Variants in BCL2 observed in about 807,000 individuals in gnomAD.
BCL2 encodes BCL2 apoptosis regulator.
BCL2 carries 1 observed loss-of-function variant against 14.2 expected under a neutral mutation model. The ratio of observed to expected loss-of-function variants is 0.07; its 90% confidence interval spans 0.02 to 0.33. The LOEUF (loss-of-function observed/expected upper bound fraction) is 0.33, where lower values mean the gene tolerates loss of function less well. Ranked by LOEUF, BCL2 falls within the 10% of genes least tolerant of loss-of-function variation. BCL2 has a pLI of 0.99. For missense variants in BCL2, 247 were observed against 305.9 expected (o/e 0.81, Z 1.44); for synonymous variants, 151 against 137.2 (o/e 1.10, Z -0.70).
chr18:63,222,394 C>T (rs934172132), intron 2 of BCL2, among the ~76,000 whole-genome samples: 1 of 144,852 alleles, frequency 6.9e-6, no homozygotes. Flanking sequence ...AAATAAACTG[C>T]CATGAGGGAC....
chr18:63,144,715 G>A (rs1229184783), intron 2 of BCL2, among the ~76,000 whole-genome samples: 2 of 152,202 alleles, frequency 1.3e-5, no homozygotes, highest in Non-Finnish European at 2.9e-5. Context: ...GTGTTTCAGG[G>A]CAAGGAAGTG....
At chr18:63,129,708 C>T (rs764324207) in intron 2 of BCL2, among the ~76,000 whole-genome samples, 5 of 152,192 alleles carry the variant, frequency 3.3e-5, no homozygotes, top group Non-Finnish European at 5.9e-5. Context: ...AGATAGAAAC[C>T]AGCACCCTTC....
intron 2 of BCL2, among the ~76,000 whole-genome samples, chr18:63,198,688 G>GAC (rs1305101808): frequency 1.3e-5 from 1 of 77,952 alleles, no homozygotes; most frequent in Non-Finnish European, 2.5e-5. Flanking sequence ...AACAGACACA[G>GAC]ACACACACAC....
intron 2 of BCL2, among the ~76,000 whole-genome samples, chr18:63,150,338 G>A (rs894379309): frequency 1.3e-5 from 2 of 152,270 alleles, no homozygotes; most frequent in Admixed American, 6.5e-5. Context: ...CCCAGCTGAA[G>A]AGTGGACACC....
rs144472735 is a variant in BCL2, at chr18:63,147,689, C to T, written c.586-18930G>A. On this transcript the variant is annotated intron_variant, in intron 2 of 2. Transcript: ENST00000333681. Reference sequence around the variant, plus strand: ...GCTCAAATGGCATGAAAAACATATTCCAATAACACTGAGATGATTTTATGA... The same window carrying T: ...GCTCAAATGGCATGAAAAACATATTTCAATAACACTGAGATGATTTTATGA... Among the ~76,000 whole-genome samples, 3 of 152,300 alleles carry T rather than the reference C, an allele frequency of 2.0e-5. No homozygotes were observed. The East Asian group carries it at 5.8e-4, about 29-fold the overall frequency.
At chr18:63,181,990 A>G (rs1915490164) in intron 2 of BCL2, among the ~76,000 whole-genome samples, 1 of 152,058 alleles carries the variant, frequency 6.6e-6, no homozygotes, top group Admixed American at 6.6e-5. Context: ...GCACCTCCTT[A>G]CTTCACCACC....
At chr18:63,198,034 A>C (rs1192662239) in intron 2 of BCL2, among the ~76,000 whole-genome samples, 4 of 152,194 alleles carry the variant, frequency 2.6e-5, no homozygotes, top group African/African-American at 9.7e-5. Context: ...CTTTTGTAAG[A>C]AAGTAGTTTA....
chr18:63,313,240 A>G (rs2144310630), intron 2 of BCL2, among the ~76,000 whole-genome samples: 1 of 152,302 alleles, frequency 6.6e-6, no homozygotes, highest in South Asian at 2.1e-4. Context: ...CGTGCCTCCA[A>G]CCTAACCCAA....
intron 2 of BCL2, among the ~76,000 whole-genome samples, chr18:63,172,566 G>T (rs552285930): frequency 6.6e-6 from 1 of 152,302 alleles, no homozygotes; most frequent in African/African-American, 2.4e-5. Context: ...TGGATCACAA[G>T]GTCAGGAGAT....
chr18:63,284,791 G>T (rs1179469753), intron 2 of BCL2, among the ~76,000 whole-genome samples: 1 of 151,554 alleles, frequency 6.6e-6, no homozygotes, highest in Non-Finnish European at 1.5e-5. Context: ...GTATTCCAGG[G>T]GTGGGGGGTT....
intron 2 of BCL2, among the ~76,000 whole-genome samples, chr18:63,138,222 G>A (rs1024965428): frequency 4.6e-5 from 7 of 152,250 alleles, no homozygotes; most frequent in African/African-American, 1.4e-4. Context: ...GGGAGTGGTG[G>A]CCGGCAGAGC....
chr18:63,303,163 T>A lies in BCL2; in HGVS notation c.585+14919A>T, dbSNP rs1454505221. Among the ~76,000 whole-genome samples, 5 of 152,078 alleles carry A rather than the reference T, an allele frequency of 3.3e-5. 1 individual carries two copies. The highest frequency in any genetic ancestry group is 7.4e-5 in the Non-Finnish European group (5 of 68,022). On this transcript the variant is annotated intron_variant, in intron 2 of 2. Coordinates refer to ENST00000333681, the MANE Select transcript of BCL2 (RefSeq NM_000633.3). The stretch of plus-strand genomic sequence containing the variant: ...GACTTTCCCCACCTTTTTATTAAGG[T>A]ATTAGGCAGGTTACAATTTGACAGT...
At chr18:63,298,719 C>G (rs759637555) in intron 2 of BCL2, among the ~76,000 whole-genome samples, 12 of 152,196 alleles carry the variant, frequency 7.9e-5, no homozygotes, top group African/African-American at 1.2e-4. Flanking sequence ...CATTACAAAA[C>G]TAGTTTCTTA....
intron 2 of BCL2, among the ~76,000 whole-genome samples, chr18:63,184,433 G>T (rs945600849): frequency 6.6e-6 from 1 of 152,212 alleles, no homozygotes; most frequent in Non-Finnish European, 1.5e-5. Flanking sequence ...GGCTTTTAAT[G>T]GGTGTCAGCC....
intron 2 of BCL2, among the ~76,000 whole-genome samples, chr18:63,165,246 G>T (rs1052496015): frequency 6.6e-6 from 1 of 152,144 alleles, no homozygotes; most frequent in African/African-American, 2.4e-5. Flanking sequence ...CAACCCAAGG[G>T]AGGAAACAGG....
intron 2 of BCL2, among the ~76,000 whole-genome samples, chr18:63,278,970 G>A (rs1210964984): frequency 6.6e-6 from 1 of 152,136 alleles, no homozygotes. Context: ...ATGTGGCTGA[G>A]TTGATTGGAT....
intron 2 of BCL2, among the ~76,000 whole-genome samples, chr18:63,180,786 G>A (rs1191199803): frequency 2.6e-5 from 4 of 152,124 alleles, no homozygotes. Context: ...TCCAGCTCCC[G>A]GGCCTCTCAG....
At chr18:63,264,359 G>T (rs1046997805) in intron 2 of BCL2, among the ~76,000 whole-genome samples, 4 of 152,136 alleles carry the variant, frequency 2.6e-5, no homozygotes, top group Non-Finnish European at 4.4e-5. Context: ...TGTAAAACTG[G>T]ACACTAGCAC....
chr18:63,150,175 G>A (rs535606027), intron 2 of BCL2, among the ~76,000 whole-genome samples: 2 of 152,206 alleles, frequency 1.3e-5, no homozygotes, highest in Non-Finnish European at 2.9e-5. Context: ...GAGCCACCGC[G>A]CCCAGCCTGA....
Sources: allele counts gnomAD v4.1 joint callset (sites outside exome capture counted in the v4.1 genomes callset), GRCh38; gene constraint gnomAD v4.1.1; transcripts MANE v1.5; gene names NCBI Gene and HGNC (gene_info 2026-07-23, HGNC 2026-07-21).